Variants in GTF3C5 observed in about 807,000 individuals in gnomAD.
GTF3C5 encodes general transcription factor IIIC subunit 5, also known as general transcription factor 3C polypeptide 5.
In GTF3C5, 47 loss-of-function variants were observed where a neutral mutation model predicts 61.0. That is an observed-to-expected ratio of 0.77 (90% CI 0.61 to 0.98). The LOEUF is 0.98. Among genes scored for constraint, GTF3C5 ranks in the 50% least tolerant of loss-of-function variants. GTF3C5 has a pLI of 0.00. For synonymous variants in GTF3C5, 295 were observed against 275.4 expected, an observed-to-expected ratio of 1.07 and a Z score of -0.71; for missense variants, 659 against 703.3, an observed-to-expected ratio of 0.94 and a Z score of 0.71.
At chr9:133,052,563 G>A (rs1032722838) in intron 5 of GTF3C5, among the ~76,000 whole-genome samples, 1 of 152,128 alleles carries the variant, frequency 6.6e-6, no homozygotes, top group African/African-American at 2.4e-5. Flanking sequence ...TACCTGTGTT[G>A]AGTGGGGTTC....
chr9:133,034,849 T>TC (rs1849821687), intron 1 of GTF3C5, among the ~76,000 whole-genome samples: 1 of 152,194 alleles, frequency 6.6e-6, no homozygotes, highest in African/African-American at 2.4e-5. Context: ...GTTTCAAACG[T>TC]AGCAATGTCA....
rs182627267 is a variant in GTF3C5 at position 133,031,047 on chromosome 9, C to T, written c.36C>T (p.Ala12=). The change falls in exon 1 of 11, where the codon GCC becomes GCT. Residue 12 remains alanine, a synonymous_variant. Coordinates refer to ENST00000372097, the MANE Select transcript of GTF3C5 (RefSeq NM_012087.4). The part of the protein sequence containing the change: ...AAEAADLGLG[A]AVPVELRRER... ...AGGCGGCCGATTTGGGGCTGGGGGC[C>T]GCCGTCCCCGTGGAGCTGAGGCGGG... 1,495 of 1,612,050 alleles carry T rather than the reference C, an allele frequency of 9.3e-4. 16 individuals carry two copies. The East Asian group carries it at 0.012, about 12-fold the overall frequency.
intron 1 of GTF3C5, among the ~76,000 whole-genome samples, chr9:133,034,072 G>A (rs1291485167): frequency 1.3e-5 from 2 of 152,098 alleles, no homozygotes; most frequent in East Asian, 1.9e-4. Context: ...AACCCGTACC[G>A]TCCGAATACA....
In GTF3C5 at chr9:133,056,077, C is replaced by G; in HGVS notation, c.1233C>G (p.Cys411Trp). 6.2e-7 allele frequency: 1 copy of G among 1,613,920 alleles called. No individual in the cohort carries two copies. The highest frequency in any genetic ancestry group is 8.5e-7 in the Non-Finnish European group (1 of 1,179,840). The change falls in exon 9 of 11, where the codon TGC becomes TGG. Residue 411 changes from cysteine (C) to tryptophan (W), a missense_variant. Coordinates refer to ENST00000372097, the MANE Select transcript of GTF3C5 (RefSeq NM_012087.4). ...PPYRQMFYQLCDLNVEELQKI... is the reference protein window; with the variant it reads ...PPYRQMFYQLWDLNVEELQKI... ...ATCGGCAGATGTTCTACCAGTTATG[C>G]GACTTGAATGTGGAAGAGTACGTAT...
chr9:133,045,178 A>G (rs543796019), intron 3 of GTF3C5, among the ~76,000 whole-genome samples: 27 of 152,338 alleles, frequency 1.8e-4, no homozygotes, highest in African/African-American at 6.5e-4. Flanking sequence ...GATGAATAAC[A>G]TTGACCAGCC....
chr9:133,034,350 A>G (rs1234681730), intron 1 of GTF3C5, among the ~76,000 whole-genome samples: 1 of 152,168 alleles, frequency 6.6e-6, no homozygotes, highest in African/African-American at 2.4e-5. Flanking sequence ...ATACTTAACT[A>G]CATCGGATAG....
rs775551088 is a variant in GTF3C5 at position 133,056,886 on chromosome 9, G to A, written c.1371G>A (p.Gln457=). 28 of 1,605,828 alleles carry A rather than the reference G, an allele frequency of 1.7e-5. No homozygotes were observed. Among genetic ancestry groups the A allele is most frequent in the African/African-American group, 1.3e-5 (1 of 74,518 alleles). ...ACACCATGTCCCTCATGATCCGGCAGACCATCCGCTCCAAGAGGCCTGGTA... is the reference window on the plus strand; with the variant it reads ...ACACCATGTCCCTCATGATCCGGCAAACCATCCGCTCCAAGAGGCCTGGTA... ...LRDTMSLMIR[Q]TIRSKRPALF... is the part of the protein sequence containing the mutation. Residue 457 remains glutamine (Q), a synonymous_variant, in exon 10 of 11, where the codon CAG becomes CAA. Coordinates refer to ENST00000372097, the MANE Select transcript of GTF3C5 (RefSeq NM_012087.4).
At chr9:133,057,759 G>A in intron 10 of GTF3C5, 55 bp from the exon 11 acceptor site, 1 of 1,505,274 alleles carries the variant, frequency 6.6e-7, no homozygotes, top group Non-Finnish European at 8.9e-7. Context: ...GGCCTTTCTG[G>A]GGCCACCCGG....
At chr9:133,030,967 T>G, upstream of GTF3C5, 1 of 1,606,376 alleles carries the variant, frequency 6.2e-7, no homozygotes, top group Non-Finnish European at 8.5e-7. Context: ...CCTTTGGGAG[T>G]ACTTTGTGGG....
At position 133,031,152 on chromosome 9, in the gene GTF3C5, A is replaced by C; in HGVS notation, c.141A>C (p.Glu47Asp). The C allele has an allele frequency of 6.4e-7, 1 of 1,572,802 alleles. No homozygotes were observed. Among genetic ancestry groups the C allele is most frequent in the African/African-American group, 1.4e-5 (1 of 72,478 alleles). ...TGCTGCCGACTCTGGGCGGCGAGGA[A>C]GGCGTCTCCCGGGTAAGGGGCTGGG... ...AKMLPTLGGEEGVSRIYADPT... is the reference protein window; with the variant it reads ...AKMLPTLGGEDGVSRIYADPT... The change falls in exon 1 of 11, where the codon GAA (glutamate) becomes GAC (aspartate). Residue 47 changes from glutamate (E) to aspartate (D), a missense_variant. Coordinates refer to ENST00000372097, the MANE Select transcript of GTF3C5 (RefSeq NM_012087.4).
At chr9:133,047,855 T>C (rs1348469308) in intron 3 of GTF3C5, among the ~76,000 whole-genome samples, 1 of 152,238 alleles carries the variant, frequency 6.6e-6, no homozygotes, top group Non-Finnish European at 1.5e-5. Context: ...CCAGGCATAG[T>C]GGCTCATGCC....
At chr9:133,037,018 C>G (rs1392680579) in intron 1 of GTF3C5, among the ~76,000 whole-genome samples, 1 of 152,086 alleles carries the variant, frequency 6.6e-6, no homozygotes, top group African/African-American at 2.4e-5. Flanking sequence ...CGTATTGGAG[C>G]AGGCATGTGT....
At chr9:133,038,180 AAAG>A (rs375000364) in intron 1 of GTF3C5, among the ~76,000 whole-genome samples, 31 of 152,322 alleles carry the variant, frequency 2.0e-4, no homozygotes, top group African/African-American at 6.7e-4. Flanking sequence ...GATGGAGAAC[AAAG>A]AAGAAGGGAG....
Position 133,050,902 on chromosome 9 carries a change from T to A in GTF3C5, c.692T>A (p.Leu231Gln). 3 of 1,613,686 alleles carry A rather than the reference T, an allele frequency of 1.9e-6. No individual in the cohort carries two copies. The highest frequency in any genetic ancestry group is 2.5e-6 in the Non-Finnish European group (3 of 1,179,722). ...FEDEEVPKQP[L>Q]EAAAQTWRRV... ...GATGAGGAGGTGCCCAAGCAGCCACTGGAGGCTGCAGCCCAGACGTGGAGG... is the reference window on the plus strand; with the variant it reads ...GATGAGGAGGTGCCCAAGCAGCCACAGGAGGCTGCAGCCCAGACGTGGAGG... Residue 231 changes from leucine to glutamine, a missense_variant, in exon 4 of 11, where the codon CTG becomes CAG. By Grantham distance (113) the Leu-to-Gln change is moderately radical. Transcript: ENST00000372097.
chr9:133,047,167 C>T (rs1048126104), intron 3 of GTF3C5, among the ~76,000 whole-genome samples: 4 of 152,080 alleles, frequency 2.6e-5, no homozygotes, highest in African/African-American at 7.2e-5. Context: ...ATACCAGTCT[C>T]CTACGCAACA....
chr9:133,038,977 A>T (rs1053600330), intron 1 of GTF3C5, among the ~76,000 whole-genome samples: 3 of 152,162 alleles, frequency 2.0e-5, no homozygotes, highest in Non-Finnish European at 4.4e-5. Flanking sequence ...TTGACATCTT[A>T]TTCTCTGCCA....
Position 133,031,590 on chromosome 9 carries a change from G to A in GTF3C5, c.153+426G>A, listed in dbSNP as rs1014490773. 4.6e-5 allele frequency among the ~76,000 whole-genome samples: 7 copies of A among 152,266 alleles called. No individual in the cohort carries two copies. In the East Asian group the frequency reaches 1.4e-3, roughly 29 times the overall value. ...TTGTTGGAAATAAATTTTGGGTGCCGCAAAGAAGAATCAGCACTCTGGCAA... is the reference window on the plus strand; with the variant it reads ...TTGTTGGAAATAAATTTTGGGTGCCACAAAGAAGAATCAGCACTCTGGCAA... On this transcript the variant is annotated intron_variant, in intron 1 of 10. Transcript: ENST00000372097.
chr9:133,034,906 A>G (rs1366855207), intron 1 of GTF3C5, among the ~76,000 whole-genome samples: 1 of 152,172 alleles, frequency 6.6e-6, no homozygotes, highest in East Asian at 1.9e-4. Flanking sequence ...TCATAAGGGG[A>G]TAAGCCAACA....
chr9:133,031,244 A>G (rs1392313033), intron 1 of GTF3C5, 80 bp downstream of exon 1: 1 of 1,306,450 alleles, frequency 7.7e-7, no homozygotes, highest in African/African-American at 1.5e-5. Flanking sequence ...TTTCTCAGCA[A>G]GGGAAATTTA....
Sources: gnomAD v4.1 joint callset for allele counts (sites outside exome capture counted in the v4.1 genomes callset) on GRCh38, gnomAD v4.1.1 for gene constraint, MANE v1.5 for transcripts, NCBI Gene and HGNC (gene_info 2026-07-23, HGNC 2026-07-21) for gene names.